Variants in KIF20A observed in about 807,000 individuals in gnomAD.
The protein encoded by KIF20A is kinesin family member 20A.
KIF20A carries 66 observed loss-of-function variants against 113.0 expected under a neutral mutation model. That is an observed-to-expected ratio of 0.58 (90% CI 0.48 to 0.72). The LOEUF (loss-of-function observed/expected upper bound fraction) is 0.72. KIF20A is among the 30% of genes least tolerant of loss of function. The pLI, the probability that KIF20A is intolerant of heterozygous loss-of-function variation, is 0.00. For missense variants in KIF20A, 927 were observed against 1,077.6 expected (o/e 0.86, Z 1.96); for synonymous variants, 376 against 402.3 (o/e 0.93, Z 0.78).
In KIF20A at chr5:138,184,964, C is replaced by T; in HGVS notation, c.1823+18C>T. 2 of 1,612,780 alleles carry T rather than the reference C, an allele frequency of 1.2e-6. No individual in the cohort carries two copies. Among genetic ancestry groups the T allele is most frequent in the Non-Finnish European group, 1.7e-6 (2 of 1,179,098 alleles). ...TGGTGCAGGTACTAGCTGAGTGACC[C>T]CTCTTGCTCTGTCACCTGAGACAGA... On this transcript the variant is annotated intron_variant, in intron 14 of 18. Coordinates refer to ENST00000394894, the MANE Select transcript of KIF20A (RefSeq NM_005733.3).
Position 138,183,965 on chromosome 5 carries a change from G to C in KIF20A, c.1212G>C (p.Leu404=). 1 of 1,614,184 alleles carries C rather than the reference G, an allele frequency of 6.2e-7. No homozygotes were observed. The highest frequency in any genetic ancestry group is 8.5e-7 in the Non-Finnish European group (1 of 1,180,024). Residue 404 remains leucine, a synonymous_variant, in exon 11 of 19, where the codon CTG becomes CTC. Coordinates refer to ENST00000394894, the MANE Select transcript of KIF20A (RefSeq NM_005733.3). This position sits in a 1 kb window ranked among gnomAD's most constrained non-coding sequence, Gnocchi z 5.2. ...CAGATCCTGTGCATCATTCTAGGCT[G>C]TCACTCTGTGATCTGGCTGGCTCAG... ...EGDIVPKISE[L]SLCDLAGSER...
chr5:138,184,836 G>A lies in KIF20A; in HGVS notation c.1713G>A (p.Lys571=). 8.7e-6 allele frequency: 14 copies of A among 1,614,180 alleles called. No homozygotes were observed. Among genetic ancestry groups the A allele is most frequent in the Non-Finnish European group, 1.1e-5 (13 of 1,180,020 alleles). Residue 571 remains lysine (K), a synonymous_variant, in exon 14 of 19, where the codon AAG becomes AAA. Coordinates refer to ENST00000394894, the MANE Select transcript of KIF20A (RefSeq NM_005733.3). ...TCCTACAAGTTGTGGAAGCCATGAA[G>A]ACACTGCTTTTGAAGGAACGACAGG... The part of the protein sequence containing the change: ...EELLQVVEAM[K]TLLLKERQEK...
rs148685779 is a variant in KIF20A at position 138,185,967 on chromosome 5, A to G, written c.2132A>G (p.His711Arg). 1,113 of 1,613,944 alleles carry G rather than the reference A, an allele frequency of 6.9e-4. 1 individual carries two copies. Among genetic ancestry groups the G allele is most frequent in the Non-Finnish European group, 8.7e-4 (1,030 of 1,179,838 alleles). ...AELNSTTEEL[H>R]KYQKMLEPPP... ...TCCTGTTTCCTTCCCTCAGAGTTGCATAAGTATCAGAAAATGTTAGAACCA... is the reference window on the plus strand; with the variant it reads ...TCCTGTTTCCTTCCCTCAGAGTTGCGTAAGTATCAGAAAATGTTAGAACCA... Residue 711 changes from histidine (H) to arginine (R), a missense_variant, in exon 17 of 19, where the codon CAT (histidine) becomes CGT (arginine). Physicochemically the swap from His to Arg is conservative, Grantham distance 29. Coordinates refer to ENST00000394894, the MANE Select transcript of KIF20A (RefSeq NM_005733.3).
chr5:138,183,593 G>C lies in KIF20A; in HGVS notation c.1139+12G>C. On this transcript the variant is annotated intron_variant, in intron 9 of 18. Transcript: ENST00000394894. The surrounding 1 kb of genome is among the most constrained non-coding windows in gnomAD (Gnocchi z 5.2). ...AACTCCAGCCGCAGGTGAGTAGATTGTAAGAATAAACTCTTCACTGTGTTC... is the reference window on the plus strand; with the variant it reads ...AACTCCAGCCGCAGGTGAGTAGATTCTAAGAATAAACTCTTCACTGTGTTC... 2 of 1,611,936 alleles carry C rather than the reference G, an allele frequency of 1.2e-6. No homozygotes were observed. The highest frequency in any genetic ancestry group is 8.5e-7 in the Non-Finnish European group (1 of 1,178,124).
At chr5:138,181,984 G>A in intron 4 of KIF20A, 3 of 576,312 alleles carry the variant, frequency 5.2e-6, no homozygotes, top group South Asian at 4.4e-5. Flanking sequence ...TAATATTGCT[G>A]AAGCCATGTA....
rs1223290997 is a variant in KIF20A, at chr5:138,184,047, A to C, written c.1294A>C (p.Thr432Pro). Reference protein sequence around the residue: ...ERLKEAGNINTSLHTLGRCIA... With the variant: ...ERLKEAGNINPSLHTLGRCIA... ...GTTGAAGGAAGCAGGAAACATTAAC[A>C]CCTCTCTACACACCCTGGGCCGCTG... The change falls in exon 11 of 19, where the codon ACC (threonine) becomes CCC (proline). Residue 432 changes from threonine (T) to proline (P), a missense_variant. Physicochemically the swap from Thr to Pro is conservative, Grantham distance 38 (BLOSUM62 -1). Coordinates refer to ENST00000394894, the MANE Select transcript of KIF20A (RefSeq NM_005733.3). 8 of 1,613,630 alleles carry C rather than the reference A, an allele frequency of 5.0e-6. No homozygotes were observed. Among genetic ancestry groups the C allele is most frequent in the Non-Finnish European group, 6.8e-6 (8 of 1,179,920 alleles).
chr5:138,186,467 A>G, intron 18 of KIF20A, 36 bp downstream of exon 18: 1 of 1,592,780 alleles, frequency 6.3e-7, no homozygotes, highest in South Asian at 1.2e-5. Context: ...CTGTCCTACC[A>G]GCCCACTCCA....
Position 138,186,070 on chromosome 5 carries a change from C to T in KIF20A, c.2217+18C>T. ...GCCAGAAGGTAATTACCACCATTCT[C>T]TGTTTACCAAACTCTTACCTAAGGC... is the stretch of plus-strand genomic sequence containing the variant. On this transcript the variant is annotated intron_variant, in intron 17 of 18. Coordinates refer to ENST00000394894, the MANE Select transcript of KIF20A (RefSeq NM_005733.3). 1 of 1,606,344 alleles carries T rather than the reference C, an allele frequency of 6.2e-7. No homozygotes were observed. Among genetic ancestry groups the T allele is most frequent in the Non-Finnish European group, 8.5e-7 (1 of 1,173,280 alleles).
In KIF20A at chr5:138,187,334, A is replaced by T; in HGVS notation, c.2594A>T (p.Asp865Val). ...ACACCAACCTGCCAAAGCTCAACAG[A>T]CTGCAGCCCTTATGCCCGGATCCTA... Reference protein sequence around the residue: ...PRTPTCQSSTDCSPYARILRS... With the variant: ...PRTPTCQSSTVCSPYARILRS... Residue 865 changes from aspartate to valine, a missense_variant, in exon 19 of 19, where the codon GAC (aspartate) becomes GTC (valine). Physicochemically the swap from Asp to Val is radical, Grantham distance 152. Transcript: ENST00000394894. 6.2e-7 allele frequency: 1 copy of T among 1,614,158 alleles called. No homozygotes were observed. Among genetic ancestry groups the T allele is most frequent in the South Asian group, 1.1e-5 (1 of 91,080 alleles).
chr5:138,187,603 T>C lies in KIF20A; in HGVS notation c.*190T>C. On this transcript the variant is annotated 3_prime_UTR_variant, in exon 19 of 19. Coordinates refer to ENST00000394894, the MANE Select transcript of KIF20A (RefSeq NM_005733.3). ...ATCTCATGTTGTTGTTTTTTTTTATTTACTTATATGATTTCTATGCACACA... is the reference window on the plus strand; with the variant it reads ...ATCTCATGTTGTTGTTTTTTTTTATCTACTTATATGATTTCTATGCACACA... 2.0e-6 allele frequency: 1 copy of C among 497,078 alleles called. No homozygotes were observed. The highest frequency in any genetic ancestry group is 3.5e-6 in the Non-Finnish European group (1 of 284,328). 30.8% of individuals were successfully genotyped at this position (497,078 alleles called of 1,614,324 possible). A position where few individuals can be genotyped will look rare whatever the true frequency, so the allele number is the denominator to read the frequency against.
Position 138,182,345 on chromosome 5 carries a change from A to T in KIF20A, c.398A>T (p.Gln133Leu), listed in dbSNP as rs1456116547. 2 of 1,614,032 alleles carry T rather than the reference A, an allele frequency of 1.2e-6. No homozygotes were observed. The highest frequency in any genetic ancestry group is 1.7e-6 in the Non-Finnish European group (2 of 1,179,946). The change falls in exon 5 of 19, where the codon CAG becomes CTG. Residue 133 changes from glutamine (Q) to leucine (L), a missense_variant. Gln to Leu is a moderately radical substitution (Grantham distance 113). Coordinates refer to ENST00000394894, the MANE Select transcript of KIF20A (RefSeq NM_005733.3). The part of the protein sequence containing the change: ...FSQIFGPEVG[Q>L]ASFFNLTVKE... Reference sequence around the variant, plus strand: ...TAGATCTTTGGGCCAGAAGTGGGACAGGCATCCTTCTTCAACCTAACTGTG... The same window carrying T: ...TAGATCTTTGGGCCAGAAGTGGGACTGGCATCCTTCTTCAACCTAACTGTG...
rs773894241 is a variant in KIF20A, at chr5:138,183,221, A to G, written c.885A>G (p.Ala295=). Residue 295 remains alanine (A), a synonymous_variant, in exon 8 of 19, where the codon GCA becomes GCG. Transcript: ENST00000394894. The surrounding 1 kb of genome is among the most constrained non-coding windows in gnomAD (Gnocchi z 5.2). ...QPDTAPLPVP[A]NIRFSIWISF... is the part of the protein sequence containing the mutation. ...ACACTGCCCCACTACCTGTCCCGGC[A>G]AACATTCGCTTCTCCATCTGGATCT... The G allele has an allele frequency of 8.1e-6, 13 of 1,614,122 alleles. No homozygotes were observed. In the South Asian group the frequency reaches 1.4e-4, roughly 18 times the overall value.
chr5:138,182,214 G>T, intron 4 of KIF20A, 109 bp from the exon 5 acceptor site: 1 of 1,216,914 alleles, frequency 8.2e-7, no homozygotes, highest in South Asian at 1.5e-5. Flanking sequence ...GAAGCTGCTT[G>T]AGTGGTCTCC....
rs752831137 is a variant in KIF20A at position 138,186,305 on chromosome 5, G to A, written c.2229G>A (p.Leu743=). ...KLEEGQKNIR[L]LRTELQKLGE... ...TTCCCCTTTTTCAGAATATAAGGCT[G>A]TTGCGGACAGAGCTTCAGAAACTTG... is the stretch of plus-strand genomic sequence containing the variant. The change falls in exon 18 of 19, where the codon CTG becomes CTA. Residue 743 remains leucine, a synonymous_variant. Coordinates refer to ENST00000394894, the MANE Select transcript of KIF20A (RefSeq NM_005733.3). 2.5e-6 allele frequency: 4 copies of A among 1,596,688 alleles called. No individual in the cohort carries two copies. The highest frequency in any genetic ancestry group is 1.9e-5 in the Admixed American group (1 of 52,462).
Position 138,187,401 on chromosome 5 carries a change from C to A in KIF20A, c.2661C>A (p.Gly887=), listed in dbSNP as rs1198085096. 1 of 1,610,678 alleles carries A rather than the reference C, an allele frequency of 6.2e-7. No individual in the cohort carries two copies. The highest frequency in any genetic ancestry group is 1.7e-5 in the Admixed American group (1 of 59,080). The change falls in exon 19 of 19, where the codon GGC becomes GGA. Residue 887 remains glycine (G), a synonymous_variant. Transcript: ENST00000394894. Reference sequence around the variant, plus strand: ...CTTTACTCAAATCTGGGCCTTTTGGCAAAAAGTACTAAGGCTGTGGGGAAA... The same window carrying A: ...CTTTACTCAAATCTGGGCCTTTTGGAAAAAAGTACTAAGGCTGTGGGGAAA... ...RSPLLKSGPF[G]KKY
Position 138,183,718 on chromosome 5 carries a change from C to T in KIF20A, c.1170C>T (p.His390=), listed in dbSNP as rs760860017. 6.2e-7 allele frequency: 1 copy of T among 1,613,914 alleles called. No homozygotes were observed. Among genetic ancestry groups the T allele is most frequent in the South Asian group, 1.1e-5 (1 of 91,076 alleles). The change falls in exon 10 of 19, where the codon CAC becomes CAT. Residue 390 remains histidine (H), a synonymous_variant. Coordinates refer to ENST00000394894, the MANE Select transcript of KIF20A (RefSeq NM_005733.3). The surrounding 1 kb of genome is among the most constrained non-coding windows in gnomAD (Gnocchi z 5.2). The part of the protein sequence containing the change: ...SHSIFSIRIL[H]LQGEGDIVPK... The stretch of plus-strand genomic sequence containing the variant: ...GCATCTTCTCAATCAGGATCCTACA[C>T]CTTCAGGGGGAAGGAGATATAGTCC...
chr5:138,182,652 A>G lies in KIF20A; in HGVS notation c.581A>G (p.Gln194Arg). ...CTGATCTTCAATAGCCTCCAAGGCCAACTTCATCCAACACCTGATCTGAAG... is the reference window on the plus strand; with the variant it reads ...CTGATCTTCAATAGCCTCCAAGGCCGACTTCATCCAACACCTGATCTGAAG... The part of the protein sequence containing the change: ...LALIFNSLQG[Q>R]LHPTPDLKPL... The change falls in exon 6 of 19, where the codon CAA becomes CGA. Residue 194 changes from glutamine to arginine, a missense_variant. Transcript: ENST00000394894. 1 of 1,614,202 alleles carries G rather than the reference A, an allele frequency of 6.2e-7. No homozygotes were observed.
Position 138,181,732 on chromosome 5 carries a change from T to A in KIF20A, c.375+4T>A, listed in dbSNP as rs778797787. On this transcript the variant is annotated splice_donor_region_variant and intron_variant, in intron 4 of 18. Coordinates refer to ENST00000394894, the MANE Select transcript of KIF20A (RefSeq NM_005733.3). ...ACACAGGTTCACCTTTTCCCAGGTA[T>A]GGAGGGTACTGGTTTGTGAACAAAA... 2 of 1,613,438 alleles carry A rather than the reference T, an allele frequency of 1.2e-6. No homozygotes were observed. Among genetic ancestry groups the A allele is most frequent in the South Asian group, 2.2e-5 (2 of 91,044 alleles).
At chr5:138,185,016 G>A (rs1476926548) in intron 14 of KIF20A, 70 bp downstream of exon 14, 3 of 1,598,350 alleles carry the variant, frequency 1.9e-6, no homozygotes, top group East Asian at 2.2e-5. Context: ...GTTAGGTGGA[G>A]TTGTGCCTCA....
Sources: gnomAD v4.1 joint callset for allele counts on GRCh38, gnomAD v4.1.1 for gene constraint, Gnocchi (gnomAD v3.1) non-coding constraint, MANE v1.5 for transcripts, NCBI Gene and HGNC (gene_info 2026-07-23, HGNC 2026-07-21) for gene names.